The following CA10 variants were observed in gnomAD, a reference collection of about 807,000 sequenced individuals.
CA10 encodes the protein carbonic anhydrase 10 (inactive), also known as carbonic anhydrase-related protein 10.
A neutral mutation model predicts 44.2 loss-of-function variants in CA10; 14 were observed. The observed-to-expected ratio is 0.32, with a 90% CI of 0.21 to 0.50. The LOEUF (loss-of-function observed/expected upper bound fraction) is 0.50. Among genes scored for constraint, CA10 ranks in the 20% least tolerant of loss-of-function variants. The pLI is 0.99. For synonymous variants in CA10, 159 were observed against 141.6 expected (o/e 1.12, Z -0.87); for missense variants, 350 against 409.7 (o/e 0.85, Z 1.26).
At chr17:51,665,845 T>G (rs1036612915) in intron 4 of CA10, among the ~76,000 whole-genome samples, 3 of 152,236 alleles carry the variant, frequency 2.0e-5, no homozygotes, top group Non-Finnish European at 4.4e-5. Flanking sequence ...TGTGACTGTA[T>G]GTAGAATTGA....
intron 5 of CA10, among the ~76,000 whole-genome samples, chr17:51,651,679 T>C (rs992109281): frequency 2.0e-5 from 3 of 152,240 alleles, no homozygotes; most frequent in African/African-American, 7.2e-5. Flanking sequence ...TAATTTGTTG[T>C]TGGCTTCCCA....
intron 3 of CA10, among the ~76,000 whole-genome samples, chr17:51,838,102 A>C (rs1260120761): frequency 1.3e-5 from 2 of 152,216 alleles, no homozygotes; most frequent in South Asian, 4.1e-4. Flanking sequence ...CTCATCTTAC[A>C]TTCTTCCACT....
At chr17:51,832,656 G>C (rs1168404319) in intron 3 of CA10, among the ~76,000 whole-genome samples, 1 of 152,190 alleles carries the variant, frequency 6.6e-6, no homozygotes, top group South Asian at 2.1e-4. Flanking sequence ...GATGACCATC[G>C]AGGATTTATC....
At chr17:51,933,414 G>C (rs532759053) in intron 2 of CA10, among the ~76,000 whole-genome samples, 2 of 151,964 alleles carry the variant, frequency 1.3e-5, no homozygotes, top group African/African-American at 2.4e-5. Flanking sequence ...TGGAGGAAGG[G>C]GACATGAACC....
chr17:51,973,407 G>A lies in CA10; in HGVS notation c.137-42275C>T, dbSNP rs529658140. Among the ~76,000 whole-genome samples, 29 of 152,300 alleles carry A rather than the reference G, an allele frequency of 1.9e-4. No individual in the cohort carries two copies. The South Asian group carries it at 5.8e-3, about 30-fold the overall frequency. On this transcript the variant is annotated intron_variant, in intron 2 of 8. Coordinates refer to ENST00000451037, the MANE Select transcript of CA10 (RefSeq NM_020178.5). Reference sequence around the variant, plus strand: ...CAGGAGGACGCTCTGCAGATAAGGAGCTCCAGAAATCTGCCTACGAGTCTC... The same window carrying A: ...CAGGAGGACGCTCTGCAGATAAGGAACTCCAGAAATCTGCCTACGAGTCTC...
intron 4 of CA10, among the ~76,000 whole-genome samples, chr17:51,680,564 G>A (rs972773475): frequency 3.9e-5 from 6 of 152,170 alleles, no homozygotes; most frequent in Admixed American, 1.3e-4. Flanking sequence ...TGACACTCCC[G>A]CACCCTGTTC....
chr17:51,812,972 C>CTGTT (rs1907429523), intron 3 of CA10, among the ~76,000 whole-genome samples: 1 of 152,148 alleles, frequency 6.6e-6, no homozygotes, highest in Admixed American at 6.5e-5. Flanking sequence ...ATGTCAGGGT[C>CTGTT]TGTTTAGAAA....
chr17:52,108,256 A>G (rs1345802427), intron 1 of CA10, among the ~76,000 whole-genome samples: 1 of 147,114 alleles, frequency 6.8e-6, no homozygotes, highest in African/African-American at 2.5e-5. Context: ...CTACCCAGCC[A>G]TAAAAGGAAT....
chr17:52,123,631 G>T (rs1454175732), intron 1 of CA10, among the ~76,000 whole-genome samples: 1 of 152,128 alleles, frequency 6.6e-6, no homozygotes. Flanking sequence ...GCCATTGATC[G>T]AAGCCTGACA....
At chr17:52,072,884 A>G (rs1208650994) in intron 1 of CA10, among the ~76,000 whole-genome samples, 5 of 152,158 alleles carry the variant, frequency 3.3e-5, no homozygotes, top group Non-Finnish European at 7.3e-5. Context: ...AGGAAAATGA[A>G]AACAAGAATA....
chr17:52,139,409 C>T (rs1989428727), intron 1 of CA10, among the ~76,000 whole-genome samples: 1 of 151,728 alleles, frequency 6.6e-6, no homozygotes, highest in Non-Finnish European at 1.5e-5. Context: ...CTAGAACTTG[C>T]TCACATATGG....
At chr17:51,942,538 T>TTATATATA (rs10549926) in intron 2 of CA10, among the ~76,000 whole-genome samples, 7 of 135,218 alleles carry the variant, frequency 5.2e-5, no homozygotes, top group South Asian at 2.8e-4. Context: ...CTTGCAGGCA[T>TTATATATA]TATATATATA....
At chr17:52,080,932 A>G (rs746794708) in intron 1 of CA10, among the ~76,000 whole-genome samples, 23 of 152,158 alleles carry the variant, frequency 1.5e-4, no homozygotes, top group Non-Finnish European at 2.1e-4. Context: ...GTGAGTACCT[A>G]TGATTGTCAG....
At chr17:52,079,957 A>G (rs750781748) in intron 1 of CA10, among the ~76,000 whole-genome samples, 1 of 152,224 alleles carries the variant, frequency 6.6e-6, no homozygotes. Context: ...CACTCAGAAC[A>G]TTGAGAATTG....
intron 3 of CA10, among the ~76,000 whole-genome samples, chr17:51,882,030 C>A: frequency 1.4e-5 from 2 of 144,324 alleles, no homozygotes. Context: ...ATCAATAGCC[C>A]ACAGTTGAAT....
At chr17:51,694,328 A>G (rs931185712) in intron 4 of CA10, among the ~76,000 whole-genome samples, 1 of 151,796 alleles carries the variant, frequency 6.6e-6, no homozygotes, top group Non-Finnish European at 1.5e-5. Flanking sequence ...TTGTTTTTTG[A>G]CTTTTTAATA....
intron 2 of CA10, among the ~76,000 whole-genome samples, chr17:52,003,667 G>C (rs554630795): frequency 1.2e-4 from 18 of 151,970 alleles, no homozygotes; most frequent in East Asian, 7.8e-4. Context: ...TTCAGACAGA[G>C]GGATTTGATA....
intron 2 of CA10, among the ~76,000 whole-genome samples, chr17:52,007,406 T>G (rs1985637383): frequency 6.6e-6 from 1 of 151,602 alleles, no homozygotes; most frequent in Non-Finnish European, 1.5e-5. Flanking sequence ...ATTAAGAGTA[T>G]TTGATCCTTA....
intron 2 of CA10, among the ~76,000 whole-genome samples, chr17:52,000,674 A>G (rs1047813436): frequency 1.3e-5 from 2 of 152,030 alleles, no homozygotes; most frequent in Non-Finnish European, 2.9e-5. Flanking sequence ...AATTCACTGA[A>G]ATAATGATAG....
Sources: allele counts gnomAD v4.1 joint callset (sites outside exome capture counted in the v4.1 genomes callset), GRCh38; gene constraint gnomAD v4.1.1; transcripts MANE v1.5; gene names NCBI Gene and HGNC (gene_info 2026-07-23, HGNC 2026-07-21).